The following GBP1 variants were observed in gnomAD, a reference collection of about 807,000 sequenced individuals.
GBP1 encodes the protein guanylate binding protein 1, also known as guanylate-binding protein 1.
GBP1 carries 64 observed loss-of-function variants against 69.5 expected under a neutral mutation model. The ratio of observed to expected loss-of-function variants is 0.92; its 90% confidence interval spans 0.75 to 1.13. The LOEUF (loss-of-function observed/expected upper bound fraction) is 1.13, where lower values mean the gene tolerates loss of function less well. Ranked by LOEUF, GBP1 falls within the 50% of genes most tolerant of loss-of-function variation. The pLI is 0.00. For synonymous variants in GBP1, 250 were observed against 261.2 expected (o/e 0.96, Z 0.41); for missense variants, 630 against 704.1 (o/e 0.89, Z 1.19).
At position 89,063,014 on chromosome 1, in the gene GBP1, GACTTGGCAGAGCTTTGCTCATGCC is replaced by G. The variant is rs1186303075; in HGVS notation, c.190+7_190+30del. On this transcript the variant is annotated splice_region_variant and intron_variant, in intron 2 of 10. Coordinates refer to ENST00000370473, the MANE Select transcript of GBP1 (RefSeq NM_002053.3). ...GCTGACTGTGTAGATGGACAGAAGG[GACTTGGCAGAGCTTTGCTCATGCC>G]ACTCACCCTTTTTCTTTCCAGCCAG... The G allele has an allele frequency of 3.1e-6, 5 of 1,611,866 alleles. No homozygotes were observed. The African/African-American group carries it at 6.7e-5, about 22-fold the overall frequency.
intron 1 of GBP1, among the ~76,000 whole-genome samples, chr1:89,064,199 A>ATGTG (rs759907157): frequency 3.6e-3 from 366 of 100,642 alleles, no homozygotes; most frequent in East Asian, 7.7e-3. Flanking sequence ...GGGGCTGGGA[A>ATGTG]TGTGTGTGTG....
At chr1:89,055,971 G>C (rs1482985978) in intron 8 of GBP1, 45 bp downstream of exon 8, 1 of 1,611,074 alleles carries the variant, frequency 6.2e-7, no homozygotes, top group African/African-American at 1.3e-5. Flanking sequence ...GTTTGTAGGA[G>C]GCAGGTCAGC....
In GBP1 at chr1:89,060,279, C is replaced by G; in HGVS notation, c.236G>C (p.Trp79Ser). The G allele has an allele frequency of 1.9e-6, 3 of 1,603,416 alleles. No homozygotes were observed. The highest frequency in any genetic ancestry group is 1.7e-6 in the Non-Finnish European group (2 of 1,175,624). ...STVQSHTKGIWMWCVPHPKKP... is the reference protein window; with the variant it reads ...STVQSHTKGISMWCVPHPKKP... ...CTTGGGGTGGGGCACACACCACATC[C>G]AGATTCCTTTAGTGTGAGACTGCAC... The change falls in exon 3 of 11, where the codon TGG (tryptophan) becomes TCG (serine). Residue 79 changes from tryptophan to serine, a missense_variant. Coordinates refer to ENST00000370473, the MANE Select transcript of GBP1 (RefSeq NM_002053.3).
At chr1:89,056,378 C>T (rs981094633) in intron 7 of GBP1, 150 bp from the exon 8 acceptor site, 4 of 1,356,668 alleles carry the variant, frequency 2.9e-6, no homozygotes, top group Non-Finnish European at 4.0e-6. Context: ...TCCTTCTGAC[C>T]CCACTTTCTG....
At chr1:89,058,809 A>G (rs377420821) in intron 5 of GBP1, 32 bp downstream of exon 5, 22 of 1,605,724 alleles carry the variant, frequency 1.4e-5, no homozygotes, top group Admixed American at 3.3e-5. Flanking sequence ...GTGTTTTCTC[A>G]TCCTCATTTA....
At chr1:89,055,310 C>G in intron 8 of GBP1, 95 bp from the exon 9 acceptor site, 1 of 1,573,964 alleles carries the variant, frequency 6.4e-7, no homozygotes, top group Non-Finnish European at 8.6e-7. Context: ...TCTGGGAATT[C>G]TTTCTCTTGG....
intron 6 of GBP1, 45 bp downstream of exon 6, chr1:89,057,947 C>A (rs1680085142): frequency 6.4e-7 from 1 of 1,566,876 alleles, no homozygotes. Flanking sequence ...TTCTATGCTC[C>A]TCTAGTCTTA....
At position 89,063,264 on chromosome 1, in the gene GBP1, A is replaced by G. The variant is rs1295328630; in HGVS notation, c.-19-11T>C. 6.2e-6 allele frequency: 10 copies of G among 1,607,516 alleles called. No individual in the cohort carries two copies. The South Asian group carries it at 9.9e-5, about 16-fold the overall frequency. ...AGGCTGTTCCCTTGTCTGCAAGAGA[A>G]GAGGTGAAATACATGAGAATTTCTA... is the stretch of plus-strand genomic sequence containing the variant. On this transcript the variant is annotated splice_polypyrimidine_tract_variant and intron_variant, in intron 1 of 10. Transcript: ENST00000370473.
intron 1 of GBP1, 78 bp downstream of exon 1, chr1:89,065,082 T>C (rs754847003): frequency 2.6e-5 from 4 of 152,234 alleles, no homozygotes; most frequent in African/African-American, 4.8e-5. Context: ...CACAACCTTA[T>C]AGGTTCCATA....
chr1:89,064,224 TGTGTGTGTGTGTGTGTGAGAGAGA>T lies in GBP1; in HGVS notation c.-20+912_-20+935del, dbSNP rs750041781. On this transcript the variant is annotated intron_variant, in intron 1 of 10. Transcript: ENST00000370473. ...ATGTGTGTGTGTGTGTGTGTGTGTG[TGTGTGTGTGTGTGTGTGAGAGAGA>T]GAGAGAGAGAGAGAGAGAGAGAGAG... Among the ~76,000 whole-genome samples the T allele has an allele frequency of 1.5e-4, 20 of 137,012 alleles. No individual in the cohort carries two copies. The South Asian group carries it at 2.3e-3, about 16-fold the overall frequency. The allele number at this position is 137,012 out of a possible 152,430, so 89.9% of individuals were successfully genotyped here. A position where few individuals can be genotyped will look rare whatever the true frequency, so the allele number is the denominator to read the frequency against.
In GBP1 at chr1:89,054,825, C is replaced by G. The variant is rs771090206; in HGVS notation, c.1522G>C (p.Glu508Gln). ...SAQASAKMLQ[E>Q]MQRKNEQMME... is the part of the protein sequence containing the mutation. The stretch of plus-strand genomic sequence containing the variant: ...ATCTGCTCATTCTTTCTTTGCATTT[C>G]CTGCAACATTTTTGCTGAAGCCTGT... Residue 508 changes from glutamate (E) to glutamine (Q), a missense_variant, in exon 10 of 11, where the codon GAA becomes CAA. Coordinates refer to ENST00000370473, the MANE Select transcript of GBP1 (RefSeq NM_002053.3). The G allele has an allele frequency of 4.3e-5, 70 of 1,614,104 alleles. No individual in the cohort carries two copies. Among genetic ancestry groups the G allele is most frequent in the Non-Finnish European group, 5.3e-5 (63 of 1,180,044 alleles).
intron 10 of GBP1, among the ~76,000 whole-genome samples, chr1:89,053,960 C>T (rs879532172): frequency 6.6e-6 from 1 of 152,190 alleles, no homozygotes; most frequent in African/African-American, 2.4e-5. Context: ...AACAAATAAT[C>T]ATTGTGGATT....
chr1:89,057,136 T>C lies in GBP1; in HGVS notation c.875-2A>G. 6.2e-7 allele frequency: 1 copy of C among 1,613,872 alleles called. No individual in the cohort carries two copies. The highest frequency in any genetic ancestry group is 8.5e-7 in the Non-Finnish European group (1 of 1,179,748). On this transcript the variant is annotated splice_acceptor_variant, in intron 6 of 10. Transcript: ENST00000370473. LOFTEE classifies it high-confidence loss of function. ...AGGTCAGCACCAGGCTCTCTAGACCTGCATATGAAGAACAAATGATAATGT... is the reference window on the plus strand; with the variant it reads ...AGGTCAGCACCAGGCTCTCTAGACCCGCATATGAAGAACAAATGATAATGT...
At position 89,055,383 on chromosome 1, in the gene GBP1, G is replaced by A. The variant is rs1012327137; in HGVS notation, c.1369-168C>T. On this transcript the variant is annotated intron_variant, in intron 8 of 10. Coordinates refer to ENST00000370473, the MANE Select transcript of GBP1 (RefSeq NM_002053.3). ...GACAGACACATGCTCCTGGCAAGCC[G>A]ATCAGAACATCCTACTTAGCAGTCA... 6.2e-5 allele frequency: 70 copies of A among 1,127,678 alleles called. No individual in the cohort carries two copies. In the African/African-American group the frequency reaches 7.2e-4, roughly 12 times the overall value. The allele number at this position is 1,127,678 out of a possible 1,614,324, so 69.9% of individuals were successfully genotyped here.
Position 89,063,100 on chromosome 1 carries a change from GC to G in GBP1, c.134del (p.Gly45AlafsTer10). The G allele has an allele frequency of 6.2e-7, 1 of 1,614,016 alleles. No homozygotes were observed. The highest frequency in any genetic ancestry group is 8.5e-7 in the Non-Finnish European group (1 of 1,179,966). On this transcript the variant is annotated frameshift_variant, in exon 2 of 11. Transcript: ENST00000370473. LOFTEE classifies it high-confidence loss of function. ...TQPMVVVAIV[G>X]LYRTGKSYLM... ...GGTAGGATTTGCCTGTGCGGTAGAG[GC>G]CCACAATTGCCACCACCACCATAGG...
Position 89,056,138 on chromosome 1 carries a change from T to A in GBP1, c.1246A>T (p.Ser416Cys). The change falls in exon 8 of 11, where the codon AGT becomes TGT. Residue 416 changes from serine (S) to cysteine (C), a missense_variant. Ser to Cys is a moderately radical substitution (Grantham distance 112). This residue lies in a region of GBP1 where 367 missense variants were observed against 369.5 expected (regional missense o/e 0.99). Transcript: ENST00000370473. ...GCCTTCACTTCTTCTTCTAGAGGAC[T>A]GAAAATGACCTGAAGTAAAGCTGAG... Reference protein sequence around the residue: ...RCSALLQVIFSPLEEEVKAGI... With the variant: ...RCSALLQVIFCPLEEEVKAGI... 1.2e-6 allele frequency: 2 copies of A among 1,613,998 alleles called. No individual in the cohort carries two copies. The highest frequency in any genetic ancestry group is 8.5e-7 in the Non-Finnish European group (1 of 1,179,860).
At chr1:89,064,240 TGAGAGAGAGAGAGA>T (rs34743787) in intron 1 of GBP1, among the ~76,000 whole-genome samples, 1 of 100,010 alleles carries the variant, frequency 1.0e-5, no homozygotes, top group Non-Finnish European at 2.0e-5. Context: ...TGTGTGTGTG[TGAGAGAGAGAGAGA>T]GAGAGAGAGA....
In GBP1 at chr1:89,054,667, G is replaced by A. The variant is rs1207039036; in HGVS notation, c.1665+15C>T. 1 of 1,605,912 alleles carries A rather than the reference G, an allele frequency of 6.2e-7. No homozygotes were observed. The highest frequency in any genetic ancestry group is 1.1e-5 in the South Asian group (1 of 90,698). On this transcript the variant is annotated intron_variant, in intron 10 of 10. Transcript: ENST00000370473. ...AACAGAAAAACAGAAACCTCAAGGT[G>A]ATGCAATTAGATACCTGAAGTTTAA...
chr1:89,059,135 C>T, intron 4 of GBP1, 92 bp from the exon 5 acceptor site: 16 of 1,592,060 alleles, frequency 1.0e-5, no homozygotes, highest in Non-Finnish European at 1.3e-5. Flanking sequence ...TTTTCCTTTG[C>T]TCCTAACCTA....
Sources: allele counts gnomAD v4.1 joint callset (sites outside exome capture counted in the v4.1 genomes callset), GRCh38; gene constraint gnomAD v4.1.1; regional missense constraint gnomAD v4.1.1; transcripts MANE v1.5; gene names NCBI Gene and HGNC (gene_info 2026-07-23, HGNC 2026-07-21).